The following EXOC2 variants were observed in gnomAD, a reference collection of about 807,000 sequenced individuals.
The protein encoded by EXOC2 is exocyst complex component 2.
Under a neutral mutation model 131.8 loss-of-function variants are expected in EXOC2, and 70 were observed. The observed-to-expected ratio is 0.53, with a 90% CI of 0.44 to 0.65. EXOC2 has a LOEUF of 0.65. Ranked by LOEUF, EXOC2 falls within the 30% of genes least tolerant of loss-of-function variation. EXOC2 has a pLI of 0.00. For missense variants in EXOC2, 923 were observed against 1,108.6 expected (o/e 0.83, Z 2.38); for synonymous variants, 411 against 398.4 (o/e 1.03, Z -0.38).
chr6:656,780 C>T, intron 1 of EXOC2: 2 of 1,600,176 alleles, frequency 1.2e-6, no homozygotes, highest in South Asian at 2.2e-5. Context: ...GCACCTCGCA[C>T]CACAGCCTGG....
chr6:658,702 C>T (rs1763277390), intron 1 of EXOC2, among the ~76,000 whole-genome samples: 1 of 131,154 alleles, frequency 7.6e-6, no homozygotes, highest in Non-Finnish European at 1.6e-5. Context: ...GCTTTTGTCG[C>T]CCAGGCTAGA....
At chr6:625,192 C>T (rs549753182) in intron 4 of EXOC2, among the ~76,000 whole-genome samples, 1 of 152,232 alleles carries the variant, frequency 6.6e-6, no homozygotes, top group Admixed American at 6.5e-5. Context: ...CAGGCACGTT[C>T]TTCACACTTC....
chr6:599,221 T>G lies in EXOC2; in HGVS notation c.747A>C (p.Ala249=). ...TQKLENVLNR[A]SNTADTLFQE... is the part of the protein sequence containing the mutation. ...GAAACAATGTGTCTGCAGTATTACTTGCTCCTGTTTTAAAAAGAGGAAAGG... is the reference window on the plus strand; with the variant it reads ...GAAACAATGTGTCTGCAGTATTACTGGCTCCTGTTTTAAAAAGAGGAAAGG... The change falls in exon 8 of 28, where the codon GCA becomes GCC. Residue 249 remains alanine (A), a synonymous_variant. Coordinates refer to ENST00000230449, the MANE Select transcript of EXOC2 (RefSeq NM_018303.6). 6.4e-7 allele frequency: 1 copy of G among 1,556,516 alleles called. No individual in the cohort carries two copies. Among genetic ancestry groups the G allele is most frequent in the Non-Finnish European group, 8.7e-7 (1 of 1,150,308 alleles).
At chr6:576,713 G>C (rs374244379) in intron 12 of EXOC2, 44 bp downstream of exon 12, 3 of 1,601,362 alleles carry the variant, frequency 1.9e-6, no homozygotes, top group Middle Eastern at 1.7e-4. Flanking sequence ...AATTACACGA[G>C]TACAAATTTA....
chr6:571,727 C>T (rs554735063), intron 13 of EXOC2, among the ~76,000 whole-genome samples: 1 of 152,232 alleles, frequency 6.6e-6, no homozygotes, highest in African/African-American at 2.4e-5. Flanking sequence ...AGACCCCTAT[C>T]TCCCCCAGAG....
At chr6:626,836 G>A (rs998388329) in intron 4 of EXOC2, among the ~76,000 whole-genome samples, 1 of 151,908 alleles carries the variant, frequency 6.6e-6, no homozygotes, top group African/African-American at 2.4e-5. Flanking sequence ...CAAGTGATCC[G>A]CCCGCCTCGG....
chr6:551,212 G>T (rs989748450), intron 21 of EXOC2, among the ~76,000 whole-genome samples: 4 of 152,166 alleles, frequency 2.6e-5, no homozygotes, highest in African/African-American at 9.7e-5. Flanking sequence ...GATCCCCCAC[G>T]TTCCGTTCAG....
rs767088812 is a variant in EXOC2, at chr6:564,919, T to A, written c.1454A>T (p.Lys485Met). Residue 485 changes from lysine (K) to methionine (M), a missense_variant, in exon 14 of 28, where the codon AAG (lysine) becomes ATG (methionine). By Grantham distance (95) the Lys-to-Met change is moderately conservative. Coordinates refer to ENST00000230449, the MANE Select transcript of EXOC2 (RefSeq NM_018303.6). ...NGSLFSETAE[K>M]SGQIERSKNV... ...CTTTGATCTTTCAATCTGGCCTGAC[T>A]TCTCAGCAGTCTTAAAAATTAAAAA... 51 of 1,598,676 alleles carry A rather than the reference T, an allele frequency of 3.2e-5. No homozygotes were observed. Among genetic ancestry groups the A allele is most frequent in the Non-Finnish European group, 4.3e-5 (51 of 1,175,396 alleles).
rs1192944524 is a variant in EXOC2, at chr6:656,441, G to A, written c.-43-18580C>T. ...TGCCCACGTTCGCCATCCTCTCCAC[G>A]ATGCTCCTCAGCGTCCTCCAGCGCG... is the stretch of plus-strand genomic sequence containing the variant. On this transcript the variant is annotated intron_variant, in intron 1 of 27. Coordinates refer to ENST00000230449, the MANE Select transcript of EXOC2 (RefSeq NM_018303.6). 2.5e-6 allele frequency: 4 copies of A among 1,613,530 alleles called. No homozygotes were observed. In the Admixed American group the frequency reaches 5.0e-5, roughly 20 times the overall value.
intron 4 of EXOC2, among the ~76,000 whole-genome samples, chr6:623,206 C>T (rs993490861): frequency 6.6e-6 from 1 of 152,220 alleles, no homozygotes; most frequent in Non-Finnish European, 1.5e-5. Flanking sequence ...TTGGCTTCTG[C>T]ATTGGAGTGA....
At chr6:614,219 T>C (rs2127670180) in intron 6 of EXOC2, among the ~76,000 whole-genome samples, 1 of 151,714 alleles carries the variant, frequency 6.6e-6, no homozygotes, top group Middle Eastern at 3.4e-3. Flanking sequence ...GAATTTACGG[T>C]GAGGACTTAG....
chr6:502,038 C>T (rs569507295), intron 23 of EXOC2, among the ~76,000 whole-genome samples: 5 of 152,262 alleles, frequency 3.3e-5, no homozygotes, highest in African/African-American at 9.6e-5. Flanking sequence ...GGGGCCTGGC[C>T]TCGCCGCTCA....
At chr6:490,796 T>C (rs938542278) in intron 26 of EXOC2, among the ~76,000 whole-genome samples, 10 of 152,236 alleles carry the variant, frequency 6.6e-5, no homozygotes, top group African/African-American at 2.2e-4. Flanking sequence ...CCACAAGGCT[T>C]CCTCTTATAC....
chr6:644,054 A>C (rs1417003659), intron 1 of EXOC2, among the ~76,000 whole-genome samples: 1 of 152,154 alleles, frequency 6.6e-6, no homozygotes, highest in African/African-American at 2.4e-5. Context: ...AAGAAAACTC[A>C]AACCTAGATG....
rs1759596628 is a variant in EXOC2 at position 592,500 on chromosome 6, A to G, written c.1161T>C (p.Ser387=). ...GATCTTTCACGTAGCCCTCTTTGCA[A>G]CTGTGCATGAGCTGAAGGATCCACT... ...QHKWILQLMH[S]CKEGYVKDLK... Residue 387 remains serine (S), a synonymous_variant, in exon 11 of 28, where the codon AGT becomes AGC. Transcript: ENST00000230449. 6.2e-7 allele frequency: 1 copy of G among 1,614,070 alleles called. No individual in the cohort carries two copies.
At chr6:673,252 C>CAAAAAAAAAAAAAAAAAAAAAAAAAAAAA (rs56189394) in intron 1 of EXOC2, among the ~76,000 whole-genome samples, 2 of 64,282 alleles carry the variant, frequency 3.1e-5, no homozygotes, top group African/African-American at 7.0e-5. Flanking sequence ...ACTCCATAGC[C>CAAAAAAAAAAAAAAAAAAAAAAAAAAAAA]AAAAAAAAAA....
intron 1 of EXOC2, among the ~76,000 whole-genome samples, chr6:654,191 C>T (rs1016151051): frequency 3.3e-5 from 5 of 152,124 alleles, no homozygotes; most frequent in African/African-American, 7.2e-5. Context: ...ATATCCATTC[C>T]GCAGTTCATG....
chr6:570,219 C>T (rs1310266253), intron 13 of EXOC2, among the ~76,000 whole-genome samples: 6 of 47,060 alleles, frequency 1.3e-4, no homozygotes, highest in Admixed American at 9.1e-4. Flanking sequence ...CTGCAGGCTC[C>T]GCCTCCCGGG....
intron 7 of EXOC2, among the ~76,000 whole-genome samples, chr6:607,830 A>G (rs1348756842): frequency 6.6e-5 from 10 of 152,256 alleles, no homozygotes; most frequent in South Asian, 4.1e-4. Flanking sequence ...TGAGAAACAC[A>G]TATCATGAAA....
Sources: allele counts gnomAD v4.1 joint callset (sites outside exome capture counted in the v4.1 genomes callset), GRCh38; gene constraint gnomAD v4.1.1; transcripts MANE v1.5; gene names NCBI Gene and HGNC (gene_info 2026-07-23, HGNC 2026-07-21).